Variants in DLG2 observed in about 807,000 individuals in gnomAD.
The protein encoded by DLG2 is discs large MAGUK scaffold protein 2.
A neutral mutation model predicts 132.5 loss-of-function variants in DLG2; 45 were observed. The ratio of observed to expected loss-of-function variants is 0.34; its 90% confidence interval spans 0.27 to 0.44. The LOEUF is 0.44. Among genes scored for constraint, DLG2 ranks in the 20% least tolerant of loss-of-function variants. The pLI is 1.00. For missense variants in DLG2, 1,045 were observed against 1,196.9 expected (o/e 0.87, Z 1.87); for synonymous variants, 424 against 419.6 (o/e 1.01, Z -0.13).
chr11:83,958,099 A>T (rs12281568), intron 14 of DLG2, among the ~76,000 whole-genome samples: 29,620 of 152,210 alleles, frequency 0.19, 4,102 homozygotes, highest in African/African-American at 0.39. Context: ...CATTGTGACT[A>T]TGTTGCTAAT....
intron 7 of DLG2, chr11:84,317,244 C>T: frequency 6.6e-7 from 1 of 1,509,406 alleles, no homozygotes; most frequent in Non-Finnish European, 8.8e-7. Flanking sequence ...GTCTTTTTTC[C>T]ACCGTGGATT....
Position 84,389,599 on chromosome 11 carries a change from T to G in DLG2, c.520-138308A>C, listed in dbSNP as rs941947143. On this transcript the variant is annotated intron_variant, in intron 7 of 27. Transcript: ENST00000376104. ...TTTGAAGCATGACAATATCTTGTTT[T>G]CATTTTATTGCTTCAAAGTTTCCAA... Among the ~76,000 whole-genome samples, 6 of 152,284 alleles carry G rather than the reference T, an allele frequency of 3.9e-5. No homozygotes were observed. The South Asian group carries it at 1.2e-3, about 32-fold the overall frequency.
intron 18 of DLG2, among the ~76,000 whole-genome samples, chr11:83,753,148 C>T (rs907628147): frequency 1.3e-5 from 2 of 152,134 alleles, no homozygotes; most frequent in Admixed American, 6.5e-5. Flanking sequence ...CATGGCCGGG[C>T]GTGGTGGCTC....
intron 6 of DLG2, among the ~76,000 whole-genome samples, chr11:85,007,058 G>A (rs903559755): frequency 6.6e-6 from 1 of 151,988 alleles, no homozygotes; most frequent in East Asian, 1.9e-4. Context: ...AATCATTTTA[G>A]GCAATCATAT....
intron 18 of DLG2, among the ~76,000 whole-genome samples, chr11:83,746,444 G>A (rs945342782): frequency 6.6e-6 from 1 of 152,090 alleles, no homozygotes; most frequent in Admixed American, 6.5e-5. Flanking sequence ...GGATGAAGCT[G>A]GAAACCATCA....
At chr11:85,552,679 T>C (rs1016809208) in intron 3 of DLG2, among the ~76,000 whole-genome samples, 2 of 151,516 alleles carry the variant, frequency 1.3e-5, no homozygotes, top group East Asian at 3.8e-4. Flanking sequence ...AAATTAGATA[T>C]TGCTGAAGAA....
intron 6 of DLG2, among the ~76,000 whole-genome samples, chr11:84,751,432 T>G (rs1211529217): frequency 6.6e-6 from 1 of 152,072 alleles, no homozygotes; most frequent in Non-Finnish European, 1.5e-5. Flanking sequence ...TAGGCATTAT[T>G]TATGATAATT....
chr11:85,503,863 T>C (rs1265857834), intron 3 of DLG2, among the ~76,000 whole-genome samples: 1 of 151,980 alleles, frequency 6.6e-6, no homozygotes, highest in Admixed American at 6.6e-5. Flanking sequence ...GCCCTGGAGA[T>C]TGAGGCTGCA....
intron 19 of DLG2, among the ~76,000 whole-genome samples, chr11:83,615,183 C>G (rs1201660743): frequency 6.6e-6 from 1 of 152,060 alleles, no homozygotes; most frequent in Admixed American, 6.5e-5. Flanking sequence ...TATTCTGCAT[C>G]GAAGTCCTGA....
chr11:83,859,790 C>T (rs574217315), intron 16 of DLG2, among the ~76,000 whole-genome samples: 1 of 152,296 alleles, frequency 6.6e-6, no homozygotes, highest in Admixed American at 6.5e-5. Context: ...GCAGCCCCTC[C>T]CTTCACAGCA....
intron 11 of DLG2, among the ~76,000 whole-genome samples, chr11:83,982,987 T>C (rs1474484328): frequency 1.2e-4 from 19 of 152,184 alleles, no homozygotes; most frequent in Admixed American, 1.2e-3. Flanking sequence ...AGGCTTGTAG[T>C]AGTCTATTCT....
intron 7 of DLG2, among the ~76,000 whole-genome samples, chr11:84,369,693 A>C (rs1431332395): frequency 6.6e-6 from 1 of 152,166 alleles, no homozygotes; most frequent in Non-Finnish European, 1.5e-5. Context: ...TGCCCTTCTG[A>C]AATTTTGTAA....
rs1292795800 is a variant in DLG2, at chr11:85,151,940, A to T, written c.282+2616T>A. 3.9e-5 allele frequency among the ~76,000 whole-genome samples: 6 copies of T among 152,196 alleles called. No individual in the cohort carries two copies. In the East Asian group the frequency reaches 1.2e-3, roughly 29 times the overall value. On this transcript the variant is annotated intron_variant, in intron 5 of 27. Transcript: ENST00000376104. Reference sequence around the variant, plus strand: ...AATGTAAACATATAGAGACAAAGGGATTCTCATTCTGCTCTCATTCCATAA... The same window carrying T: ...AATGTAAACATATAGAGACAAAGGGTTTCTCATTCTGCTCTCATTCCATAA...
At chr11:84,931,277 T>C (rs1453589372) in intron 6 of DLG2, among the ~76,000 whole-genome samples, 2 of 152,114 alleles carry the variant, frequency 1.3e-5, no homozygotes, top group East Asian at 3.9e-4. Context: ...CTAATATCTG[T>C]TAGTTACTTT....
intron 10 of DLG2, among the ~76,000 whole-genome samples, chr11:84,091,413 T>C (rs2097092231): frequency 6.6e-6 from 1 of 152,310 alleles, no homozygotes; most frequent in South Asian, 2.1e-4. Context: ...AGGGACTAGA[T>C]TCCTCCCTTT....
intron 3 of DLG2, among the ~76,000 whole-genome samples, chr11:85,390,801 G>A (rs1025142269): frequency 3.9e-5 from 6 of 151,928 alleles, no homozygotes; most frequent in Non-Finnish European, 5.9e-5. Context: ...GTGCTAAGAC[G>A]AAAGTTCATA....
intron 7 of DLG2, among the ~76,000 whole-genome samples, chr11:84,421,434 A>G (rs1480074833): frequency 6.6e-6 from 1 of 152,162 alleles, no homozygotes; most frequent in Non-Finnish European, 1.5e-5. Flanking sequence ...CTCTCTGGGT[A>G]GAGTGCAACA....
At chr11:83,874,246 G>GGAGAGAGGGAA (rs1555101664) in intron 16 of DLG2, among the ~76,000 whole-genome samples, 174 bp downstream of exon 16, 1 of 143,972 alleles carries the variant, frequency 6.9e-6, no homozygotes, top group South Asian at 2.3e-4. Context: ...AAAGAAAGAA[G>GGAGAGAGGGAA]GGAAGGAAGG....
intron 15 of DLG2, among the ~76,000 whole-genome samples, chr11:83,911,785 A>G (rs2076105948): frequency 6.6e-6 from 1 of 152,156 alleles, no homozygotes; most frequent in African/African-American, 2.4e-5. Context: ...GGATTAATTT[A>G]GAGGAAAAAA....
Sources: allele counts gnomAD v4.1 joint callset (sites outside exome capture counted in the v4.1 genomes callset), GRCh38; gene constraint gnomAD v4.1.1; transcripts MANE v1.5; gene names NCBI Gene and HGNC (gene_info 2026-07-23, HGNC 2026-07-21).